TTN: variants seen among roughly 807,000 people sequenced by gnomAD.
The protein encoded by TTN is connectin.
In TTN, 1,525 loss-of-function variants were observed where a neutral mutation model predicts 3,223.0. The observed-to-expected ratio is 0.47, with a 90% CI of 0.45 to 0.49. The LOEUF is 0.49. Ranked by LOEUF, TTN falls within the 20% of genes least tolerant of loss-of-function variation. The pLI, the probability that TTN is intolerant of heterozygous loss-of-function variation, is 0.00. For missense variants in TTN, 40,786 were observed against 43,424.0 expected (o/e 0.94, Z 5.40); for synonymous variants, 14,094 against 15,161.0 (o/e 0.93, Z 5.17).
chr2:178,651,250 T>C lies in TTN; in HGVS notation c.39618A>G (p.Pro13206=). ...VAVPKKPEVP[P]AKVPEVPKKP... is the part of the protein sequence containing the mutation. ...CTCATTAGTGACATGTACCTTTTGCTGGTGGGACTTCTGGCTTTTTGGGAA... is the reference window on the plus strand; with the variant it reads ...CTCATTAGTGACATGTACCTTTTGCCGGTGGGACTTCTGGCTTTTTGGGAA... The change falls in exon 208 of 363, where the codon CCA becomes CCG. Residue 13206 remains proline, a synonymous_variant. Transcript: ENST00000589042. The C allele has an allele frequency of 6.2e-7, 1 of 1,613,054 alleles. No homozygotes were observed. Among genetic ancestry groups the C allele is most frequent in the East Asian group, 2.2e-5 (1 of 44,844 alleles).
In TTN at chr2:178,584,531, C is replaced by A; in HGVS notation, c.65020G>T (p.Asp21674Tyr). 2.5e-6 allele frequency: 4 copies of A among 1,613,064 alleles called. No homozygotes were observed. The highest frequency in any genetic ancestry group is 3.4e-6 in the Non-Finnish European group (4 of 1,179,390). Residue 21674 changes from aspartate to tyrosine, a missense_variant, in exon 311 of 363, where the codon GAC becomes TAC. Coordinates refer to ENST00000589042, the MANE Select transcript of TTN (RefSeq NM_001267550.2). Reference protein sequence around the residue: ...KNARVTKVNKDCIFVAWDRPD... With the variant: ...KNARVTKVNKYCIFVAWDRPD... Reference sequence around the variant, plus strand: ...CTGTCCCAAGCAACAAAAATACAGTCCTTGTTGACTTTGGTGACTCGTGCA... The same window carrying A: ...CTGTCCCAAGCAACAAAAATACAGTACTTGTTGACTTTGGTGACTCGTGCA...
Position 178,712,812 on chromosome 2 carries a change from A to G in TTN, c.27213T>C (p.Asp9071=). The G allele has an allele frequency of 6.2e-7, 1 of 1,613,804 alleles. No homozygotes were observed. The highest frequency in any genetic ancestry group is 1.1e-5 in the South Asian group (1 of 91,078). Residue 9071 remains aspartate (D), a synonymous_variant, in exon 94 of 363, where the codon GAT becomes GAC. Transcript: ENST00000589042. ...PGDRCNVSLE[D]SVAELELFDV... ...CGAACAACTCCAGTTCAGCAACTGA[A>G]TCCTCCAAAGACACGTTGCATCTGT...
chr2:178,680,380 C>T (rs140681346), intron 138 of TTN, 49 bp from the exon 139 acceptor site: 317 of 1,479,806 alleles, frequency 2.1e-4, no homozygotes, highest in Admixed American at 4.6e-4. Context: ...AAAGGCCACC[C>T]AGCCAATGCT....
chr2:178,569,600 T>C lies in TTN; in HGVS notation c.76532A>G (p.Asp25511Gly), dbSNP rs533239229. The C allele has an allele frequency of 3.7e-6, 6 of 1,612,568 alleles. No individual in the cohort carries two copies. The East Asian group carries it at 6.7e-5, about 18-fold the overall frequency. ...GATTTTCCTTAGTTCTAGGTCAAGA[T>C]CAATGTCTGGTGCTTCTAATTTTTC... is the stretch of plus-strand genomic sequence containing the variant. ...VEEKLEAPDI[D>G]LDLELRKIIN... is the part of the protein sequence containing the mutation. Residue 25511 changes from aspartate to glycine, a missense_variant, in exon 326 of 363, where the codon GAT (aspartate) becomes GGT (glycine). Physicochemically the swap from Asp to Gly is moderately conservative, Grantham distance 94 (BLOSUM62 -1). Coordinates refer to ENST00000589042, the MANE Select transcript of TTN (RefSeq NM_001267550.2).
At position 178,728,950 on chromosome 2, in the gene TTN, G is replaced by T. The variant is rs148471999; in HGVS notation, c.19088C>A (p.Thr6363Asn). 6.2e-7 allele frequency: 1 copy of T among 1,612,704 alleles called. No individual in the cohort carries two copies. The highest frequency in any genetic ancestry group is 1.3e-5 in the African/African-American group (1 of 75,008). Residue 6363 changes from threonine (T) to asparagine (N), a missense_variant, in exon 65 of 363, where the codon ACC becomes AAC. Transcript: ENST00000589042. ...SVDNGHSGRY[T>N]CQAKNESGVE... ...TCCTGACTCATTCTTGGCTTGACAGGTATATCTCCCACTGTGTCCATTATC... is the reference window on the plus strand; with the variant it reads ...TCCTGACTCATTCTTGGCTTGACAGTTATATCTCCCACTGTGTCCATTATC...
Position 178,653,329 on chromosome 2 carries a change from G to T in TTN, c.38708-8C>A, listed in dbSNP as rs748417600. Reference sequence around the variant, plus strand: ...CTTTGGGAGCCTCTGGCACTTAAAAGATATTAGTAAAGTTACATGTAGAGC... The same window carrying T: ...CTTTGGGAGCCTCTGGCACTTAAAATATATTAGTAAAGTTACATGTAGAGC... On this transcript the variant is annotated splice_polypyrimidine_tract_variant and splice_region_variant and intron_variant, in intron 197 of 362. Transcript: ENST00000589042. 5 of 1,611,930 alleles carry T rather than the reference G, an allele frequency of 3.1e-6. No individual in the cohort carries two copies. The highest frequency in any genetic ancestry group is 2.2e-5 in the South Asian group (2 of 90,952).
Position 178,636,756 on chromosome 2 carries a change from T to C in TTN, c.40971A>G (p.Arg13657=), listed in dbSNP as rs749200605. The C allele has an allele frequency of 1.2e-5, 20 of 1,608,586 alleles. No homozygotes were observed. In the South Asian group the frequency reaches 1.5e-4, roughly 12 times the overall value. ...KTPSPIEAER[R]KLRPGSGGEK... is the part of the protein sequence containing the mutation. ...CTCCACCACTTCCTGGCCTTAACTT[T>C]CTCCTTTCGGCTTCTATTGGTGAAG... Residue 13657 remains arginine (R), a synonymous_variant, in exon 225 of 363, where the codon AGA becomes AGG. Coordinates refer to ENST00000589042, the MANE Select transcript of TTN (RefSeq NM_001267550.2). The surrounding 1 kb of genome is among the most constrained non-coding windows in gnomAD (Gnocchi z 4.3).
In TTN at chr2:178,654,036, T is replaced by A. The variant is rs1234262167; in HGVS notation, c.38440A>T (p.Lys12814Ter). Residue 12814 changes from lysine (K) to a stop codon, truncating the protein, a stop_gained, in exon 194 of 363, where the codon AAA (lysine) becomes TAA (stop). Transcript: ENST00000589042. LOFTEE classifies it high-confidence loss of function. Reference protein sequence around the residue: ...EKKIPKAPIKKPEAPAVTVPE... With the variant: ...EKKIPKAPIK ...CCTGTAACTGCGGGGGCTTCTGGTT[T>A]TTTGATTGGTGCCTTGGGAATTTTC... 6.3e-7 allele frequency: 1 copy of A among 1,581,150 alleles called. No individual in the cohort carries two copies. Among genetic ancestry groups the A allele is most frequent in the Admixed American group, 1.7e-5 (1 of 57,334 alleles).
chr2:178,767,958 T>C (rs1330637445), intron 39 of TTN, 34 bp from the exon 40 acceptor site: 2 of 1,614,086 alleles, frequency 1.2e-6, no homozygotes, highest in Admixed American at 1.7e-5. Context: ...GTTTACCGTA[T>C]GGTGATTCAG....
In TTN at chr2:178,727,795, C is replaced by T. The variant is rs1305423472; in HGVS notation, c.19783G>A (p.Ala6595Thr). The T allele has an allele frequency of 2.5e-6, 4 of 1,612,628 alleles. No individual in the cohort carries two copies. The highest frequency in any genetic ancestry group is 4.5e-5 in the East Asian group (2 of 44,854). The stretch of plus-strand genomic sequence containing the variant: ...AATGGTGGTGTTCCTTTTAGTATTG[C>T]CTTAAATTCCACTGTAGAATCAGGT... ...AIPDSTVEFK[A>T]ILKGTPPFKI... Residue 6595 changes from alanine to threonine, a missense_variant, in exon 68 of 363, where the codon GCA becomes ACA. Physicochemically the swap from Ala to Thr is moderately conservative, Grantham distance 58 (BLOSUM62 0). Coordinates refer to ENST00000589042, the MANE Select transcript of TTN (RefSeq NM_001267550.2).
chr2:178,624,779 G>T, intron 241 of TTN, 48 bp from the exon 242 acceptor site: 3 of 1,599,162 alleles, frequency 1.9e-6, no homozygotes, highest in South Asian at 2.3e-5. Flanking sequence ...CCTTCTCCAA[G>T]AGTTTTGGTA....
rs1321908456 is a variant in TTN, at chr2:178,535,416, T to G, written c.101199A>C (p.Ala33733=). The G allele has an allele frequency of 3.1e-6, 5 of 1,613,818 alleles. No individual in the cohort carries two copies. In the East Asian group the frequency reaches 6.7e-5, roughly 22 times the overall value. ...NYIVEKCATT[A]ERWLRVGQAR... ...CCTGTCCTACACGGAGCCATCTTTC[T>G]GCAGTAGTTGCACATTTTTCAACAA... The change falls in exon 358 of 363, where the codon GCA becomes GCC. Residue 33733 remains alanine (A), a synonymous_variant. Transcript: ENST00000589042.
Position 178,715,733 on chromosome 2 carries a change from C to T in TTN, c.25681G>A (p.Val8561Met). The T allele has an allele frequency of 5.6e-6, 9 of 1,596,026 alleles. No homozygotes were observed. The highest frequency in any genetic ancestry group is 1.3e-5 in the African/African-American group (1 of 74,750). ...FIKKLEPSRI[V>M]KQDEFTRYEC... ...TACCTTGTGAATTCATCCTGTTTCA[C>T]AATTCTTGAAGGTTCTAGCTTCTTA... The change falls in exon 89 of 363, where the codon GTG (valine) becomes ATG (methionine). Residue 8561 changes from valine to methionine, a missense_variant. By Grantham distance (21) the Val-to-Met change is conservative (BLOSUM62 1). Coordinates refer to ENST00000589042, the MANE Select transcript of TTN (RefSeq NM_001267550.2).
At position 178,720,250 on chromosome 2, in the gene TTN, C is replaced by A. The variant is rs144032104; in HGVS notation, c.23392G>T (p.Val7798Leu). 3.7e-6 allele frequency: 6 copies of A among 1,609,750 alleles called. No homozygotes were observed. The highest frequency in any genetic ancestry group is 5.1e-6 in the Non-Finnish European group (6 of 1,177,212). The change falls in exon 81 of 363, where the codon GTG becomes TTG. Residue 7798 changes from valine (V) to leucine (L), a missense_variant. Transcript: ENST00000589042. ...SVKFKEPPRFVKKLSDTSTLI... is the reference protein window; with the variant it reads ...SVKFKEPPRFLKKLSDTSTLI... ...GTTGAGGTGTCACTTAGCTTTTTCACGAATCGTGGAGGTTCTGATGAAAGA... is the reference window on the plus strand; with the variant it reads ...GTTGAGGTGTCACTTAGCTTTTTCAAGAATCGTGGAGGTTCTGATGAAAGA...
Position 178,723,123 on chromosome 2 carries a change from C to A in TTN, c.21884G>T (p.Arg7295Ile). 6.2e-7 allele frequency: 1 copy of A among 1,613,614 alleles called. No individual in the cohort carries two copies. The highest frequency in any genetic ancestry group is 1.1e-5 in the South Asian group (1 of 91,072). ...CILEILNSTK[R>I]DAGQYSCEIE... ...CTCGCAGGAATACTGCCCTGCATCT[C>A]TTTTTGTGCTATTCAGAATTTCCAG... The change falls in exon 75 of 363, where the codon AGA becomes ATA. Residue 7295 changes from arginine (R) to isoleucine (I), a missense_variant. Coordinates refer to ENST00000589042, the MANE Select transcript of TTN (RefSeq NM_001267550.2).
At chr2:178,684,579 T>C in intron 131 of TTN, 87 bp downstream of exon 131, 1 of 1,444,306 alleles carries the variant, frequency 6.9e-7, no homozygotes, top group Non-Finnish European at 9.5e-7. Flanking sequence ...CACCAACATA[T>C]AAACAGTATG....
Position 178,773,155 on chromosome 2 carries a change from T to C in TTN, c.7809A>G (p.Thr2603=). ...NMMKDDEGKY[T]FYAGENMTSG... ...ATGTCATATTTTCTCCCGCGTAAAA[T>C]GTGTATTTTCCTTCATCATCTTTCA... The change falls in exon 33 of 363, where the codon ACA becomes ACG. Residue 2603 remains threonine (T), a synonymous_variant. Transcript: ENST00000589042. The C allele has an allele frequency of 6.2e-7, 1 of 1,613,876 alleles. No homozygotes were observed. Among genetic ancestry groups the C allele is most frequent in the Non-Finnish European group, 8.5e-7 (1 of 1,179,920 alleles).
intron 38 of TTN, among the ~76,000 whole-genome samples, chr2:178,768,356 C>G (rs1187785525): frequency 6.6e-6 from 1 of 152,176 alleles, no homozygotes; most frequent in Non-Finnish European, 1.5e-5. Flanking sequence ...ACCCCAAGGA[C>G]TTTTCTATTG....
intron 238 of TTN, 148 bp from the exon 239 acceptor site, chr2:178,630,515 G>A: frequency 8.8e-7 from 1 of 1,133,972 alleles, no homozygotes; most frequent in Admixed American, 2.9e-5. Flanking sequence ...AGGAAGTAAA[G>A]CTTACAAGTA....
Sources: gnomAD v4.1 joint callset for allele counts (sites outside exome capture counted in the v4.1 genomes callset) on GRCh38, gnomAD v4.1.1 for gene constraint, Gnocchi (gnomAD v3.1) non-coding constraint, MANE v1.5 for transcripts, NCBI Gene and HGNC (gene_info 2026-07-23, HGNC 2026-07-21) for gene names.